PRDM1: variants seen among roughly 807,000 people sequenced by gnomAD.
PRDM1 encodes PR domain zinc finger protein 1.
A neutral mutation model predicts 62.8 loss-of-function variants in PRDM1; 13 were observed. The observed-to-expected ratio is 0.21, with a 90% CI of 0.13 to 0.33. PRDM1 has a LOEUF of 0.33. Ranked by LOEUF, PRDM1 falls within the 10% of genes least tolerant of loss-of-function variation. The pLI, the probability that PRDM1 is intolerant of heterozygous loss-of-function variation, is 1.00. For synonymous variants in PRDM1, 396 were observed against 417.6 expected (o/e 0.95, Z 0.63); for missense variants, 895 against 1,058.8 (o/e 0.85, Z 2.15).
At position 106,106,044 on chromosome 6, in the gene PRDM1, T is replaced by C. The variant is rs897009726; in HGVS notation, c.1773+111T>C. 58 of 1,445,520 alleles carry C rather than the reference T, an allele frequency of 4.0e-5. No individual in the cohort carries two copies. The highest frequency in any genetic ancestry group is 5.1e-5 in the Non-Finnish European group (55 of 1,086,298). 89.5% of individuals were successfully genotyped at this position (1,445,520 alleles called of 1,614,324 possible). A position where few individuals can be genotyped will look rare whatever the true frequency, so the allele number is the denominator to read the frequency against. On this transcript the variant is annotated intron_variant, in intron 5 of 6. Coordinates refer to ENST00000369096, the MANE Select transcript of PRDM1 (RefSeq NM_001198.4). The surrounding 1 kb of genome is among the most constrained non-coding windows in gnomAD (Gnocchi z 4.4). ...CATTTGCAGTAGTATGAGCCCCCGG[T>C]TGGGGATAGTGGGTATGGATTCCGC...
At chr6:106,081,365 T>C (rs1216730217), upstream of PRDM1, among the ~76,000 whole-genome samples, 1 of 152,224 alleles carries the variant, frequency 6.6e-6, no homozygotes, top group East Asian at 1.9e-4. Context: ...GCTGGAAATC[T>C]GAGAACCAAG....
intron 4 of PRDM1, chr6:106,099,833 A>C (rs1437916771): frequency 2.4e-6 from 1 of 415,676 alleles, no homozygotes; most frequent in Non-Finnish European, 4.4e-6. Flanking sequence ...TTTATCCAAA[A>C]GCAGTTGGGA....
intron 1 of PRDM1, among the ~76,000 whole-genome samples, chr6:106,067,320 A>T (rs2114597908): frequency 6.6e-6 from 1 of 152,306 alleles, no homozygotes; most frequent in South Asian, 2.1e-4. Context: ...CTGTAAATGT[A>T]ATATCTATGT....
chr6:106,027,122 T>G (rs1202130215), intron 1 of PRDM1, among the ~76,000 whole-genome samples: 1 of 152,238 alleles, frequency 6.6e-6, no homozygotes, highest in African/African-American at 2.4e-5. Context: ...TAAACTGATT[T>G]ACTGGGCCCG....
At chr6:106,082,911 A>G (rs116727703), upstream of PRDM1, among the ~76,000 whole-genome samples, 4,595 of 152,226 alleles carry the variant, frequency 0.03, 226 homozygotes, top group African/African-American at 0.1. Flanking sequence ...TGACACACAC[A>G]GGCTGCATTG....
At chr6:106,034,451 A>AT (rs976135498) in intron 1 of PRDM1, among the ~76,000 whole-genome samples, 8 of 151,680 alleles carry the variant, frequency 5.3e-5, no homozygotes, top group African/African-American at 1.9e-4. Context: ...GTCGTATTTT[A>AT]TTTTCATGCA....
chr6:106,043,624 C>T (rs1773033662), upstream of PRDM1, among the ~76,000 whole-genome samples: 1 of 152,176 alleles, frequency 6.6e-6, no homozygotes, highest in Non-Finnish European at 1.5e-5. Flanking sequence ...ACCTCCGCCT[C>T]TCCCGGGTTC....
intron 1 of PRDM1, among the ~76,000 whole-genome samples, chr6:106,064,228 G>C (rs1773391318): frequency 6.6e-6 from 1 of 152,178 alleles, no homozygotes; most frequent in Non-Finnish European, 1.5e-5. Flanking sequence ...GTTAAGTACT[G>C]TCATTCAGAT....
chr6:106,008,611 TCTC>T (rs1181056847), intron 1 of PRDM1, among the ~76,000 whole-genome samples: 1 of 152,098 alleles, frequency 6.6e-6, no homozygotes, highest in Non-Finnish European at 1.5e-5. Context: ...TCTCTAGGAT[TCTC>T]CTTCTCTCCC....
At position 106,107,594 on chromosome 6, in the gene PRDM1, A is replaced by G; in HGVS notation, c.*108A>G. On this transcript the variant is annotated 3_prime_UTR_variant, in exon 7 of 7. Coordinates refer to ENST00000369096, the MANE Select transcript of PRDM1 (RefSeq NM_001198.4). ...CCCAGCTCTGCAAAGCTCTCTCGAC[A>G]GCAAATGGTTTCCCCTCACCTCTGG... 3 of 1,006,830 alleles carry G rather than the reference A, an allele frequency of 3.0e-6. No individual in the cohort carries two copies. Among genetic ancestry groups the G allele is most frequent in the Non-Finnish European group, 1.4e-6 (1 of 711,176 alleles). The allele number at this position is 1,006,830 out of a possible 1,614,324, so 62.4% of individuals were successfully genotyped here. A position where few individuals can be genotyped will look rare whatever the true frequency, so the allele number is the denominator to read the frequency against.
At position 106,029,008 on chromosome 6, in the gene PRDM1, C is replaced by A. The variant is rs575618967; in HGVS notation, c.-67+35369C>A. Among the ~76,000 whole-genome samples, 21 of 151,106 alleles carry A rather than the reference C, an allele frequency of 1.4e-4. 1 individual carries two copies. The highest frequency in any genetic ancestry group is 6.9e-3 in the Middle Eastern group (2 of 288). ...CTATCTCGGCTCATTGCAACCTCCACCTCCTGGGTTCAAGCGATTCTCCTG... is the reference window on the plus strand; with the variant it reads ...CTATCTCGGCTCATTGCAACCTCCAACTCCTGGGTTCAAGCGATTCTCCTG... On this transcript the variant is annotated intron_variant, in intron 1 of 6. Transcript: ENST00000652320.
intron 4 of PRDM1, among the ~76,000 whole-genome samples, chr6:106,101,896 T>G (rs1774284204): frequency 1.3e-5 from 2 of 152,206 alleles, no homozygotes; most frequent in African/African-American, 4.8e-5. Flanking sequence ...ATGGCATTTT[T>G]CTAAAAACAA....
chr6:106,026,394 G>A (rs1255432540), intron 1 of PRDM1, among the ~76,000 whole-genome samples: 6 of 152,030 alleles, frequency 3.9e-5, no homozygotes, highest in Non-Finnish European at 4.4e-5. Flanking sequence ...CAGGAGAATC[G>A]CTTGAACCCG....
rs532158483 is a variant in PRDM1, at chr6:105,994,445, G to A, written c.-67+806G>A. On this transcript the variant is annotated intron_variant, in intron 1 of 6. Coordinates refer to the PRDM1 transcript ENST00000652320. This position sits in a 1 kb window ranked among gnomAD's most constrained non-coding sequence, Gnocchi z 4.1. The stretch of plus-strand genomic sequence containing the variant: ...AAGACGAGCGGGGACGCGTGACAGC[G>A]CGGGGATAGCTTTTCTATTACGTTT... Among the ~76,000 whole-genome samples, 1 of 152,174 alleles carries A rather than the reference G, an allele frequency of 6.6e-6. No individual in the cohort carries two copies. Among genetic ancestry groups the A allele is most frequent in the Admixed American group, 6.5e-5 (1 of 15,294 alleles).
intron 1 of PRDM1, among the ~76,000 whole-genome samples, chr6:106,012,355 ACAC>A (rs1772568387): frequency 6.6e-6 from 1 of 151,514 alleles, no homozygotes; most frequent in South Asian, 2.1e-4. Context: ...CATACCACAC[ACAC>A]CACAACCCTC....
intron 1 of PRDM1, among the ~76,000 whole-genome samples, chr6:105,998,570 CAT>C (rs1241703244): frequency 2.0e-5 from 3 of 152,136 alleles, no homozygotes; most frequent in Non-Finnish European, 2.9e-5. Context: ...TTTCTATACA[CAT>C]GACAGTTAAT....
intron 2 of PRDM1, among the ~76,000 whole-genome samples, chr6:106,092,561 AC>A (rs1229101051): frequency 3.9e-5 from 6 of 152,224 alleles, no homozygotes; most frequent in African/African-American, 1.4e-4. Flanking sequence ...TAAGCTACAC[AC>A]CAAGTTCCTC....
At chr6:106,021,231 T>A (rs926884312) in intron 1 of PRDM1, among the ~76,000 whole-genome samples, 5 of 152,364 alleles carry the variant, frequency 3.3e-5, no homozygotes, top group Non-Finnish European at 5.9e-5. Flanking sequence ...TTCTTTTTAC[T>A]TTTTAAAAAG....
In PRDM1 at chr6:106,089,383, G is replaced by A. The variant is rs192733758; in HGVS notation, c.291+934G>A. 4.6e-5 allele frequency among the ~76,000 whole-genome samples: 7 copies of A among 152,266 alleles called. 1 individual carries two copies. The East Asian group carries it at 5.8e-4, about 13-fold the overall frequency. ...AAGTAGGGAAAGGGGATGGTTGGCC[G>A]TAGAAATCCAGAATTTGCTACTGGG... On this transcript the variant is annotated intron_variant, in intron 2 of 6. Transcript: ENST00000369096.
Sources: gnomAD v4.1 joint callset for allele counts (sites outside exome capture counted in the v4.1 genomes callset) on GRCh38, gnomAD v4.1.1 for gene constraint, Gnocchi (gnomAD v3.1) non-coding constraint, MANE v1.5 for transcripts, NCBI Gene and HGNC (gene_info 2026-07-23, HGNC 2026-07-21) for gene names.